The following DSE variants were observed in gnomAD, a reference collection of about 807,000 sequenced individuals.
DSE encodes dermatan-sulfate epimerase.
In DSE, 36 loss-of-function variants were observed where a neutral mutation model predicts 84.4. The observed-to-expected ratio is 0.43, with a 90% CI of 0.33 to 0.56. The LOEUF is 0.56. Among genes scored for constraint, DSE ranks in the 20% least tolerant of loss-of-function variants. The probability of loss-of-function intolerance (pLI) is 0.06; values close to 1 mark genes in which losing one functional copy is unlikely to be tolerated. For missense variants in DSE, 862 were observed against 1,169.6 expected (o/e 0.74, Z 3.84); for synonymous variants, 410 against 430.1 (o/e 0.95, Z 0.58).
At chr6:116,258,934 A>G (rs768752363) in exon 2 of DSE, 2 of 1,558,542 alleles carry the variant, frequency 1.3e-6, no homozygotes, top group Non-Finnish European at 1.8e-6. Flanking sequence ...AGCTTTGTGG[A>G]AGCATTTGGC....
intron 2 of DSE, among the ~76,000 whole-genome samples, chr6:116,348,430 A>G (rs1394025614): frequency 1.4e-5 from 2 of 142,118 alleles, no homozygotes; most frequent in African/African-American, 2.8e-5. Flanking sequence ...CCGTCTCAAA[A>G]AAAACAAAAA....
At chr6:116,364,699 T>C (rs1779068204) in intron 2 of DSE, among the ~76,000 whole-genome samples, 3 of 152,236 alleles carry the variant, frequency 2.0e-5, no homozygotes, top group Non-Finnish European at 4.4e-5. Context: ...AGAAATACAT[T>C]AGTGAGCTTG....
At chr6:116,302,252 A>G (rs1035043447) in intron 2 of DSE, among the ~76,000 whole-genome samples, 3 of 152,224 alleles carry the variant, frequency 2.0e-5, no homozygotes, top group African/African-American at 7.2e-5. Flanking sequence ...ACTTCCACCA[A>G]CAGTATAAAA....
chr6:116,323,964 C>T (rs1776476603), intron 2 of DSE, among the ~76,000 whole-genome samples: 1 of 151,784 alleles, frequency 6.6e-6, no homozygotes, highest in East Asian at 1.9e-4. Flanking sequence ...TTTTTCTGGG[C>T]CCCCTAGTCA....
intron 2 of DSE, among the ~76,000 whole-genome samples, chr6:116,300,620 T>C (rs1324733173): frequency 6.6e-5 from 10 of 152,250 alleles, no homozygotes; most frequent in African/African-American, 2.4e-4. Context: ...GGCAATCAAG[T>C]CTAATGGGGA....
intron 1 of DSE, among the ~76,000 whole-genome samples, chr6:116,392,966 T>A (rs577683566): frequency 3.9e-5 from 6 of 152,284 alleles, no homozygotes; most frequent in African/African-American, 1.4e-4. Context: ...CCAGACCCTG[T>A]ACTGAGGTTA....
chr6:116,334,233 G>C (rs952028986), intron 2 of DSE, among the ~76,000 whole-genome samples: 11 of 152,148 alleles, frequency 7.2e-5, no homozygotes, highest in African/African-American at 2.4e-4. Context: ...CTTTGACTCA[G>C]AGTAGGCAAG....
chr6:116,350,231 A>G (rs1583068113), intron 2 of DSE, among the ~76,000 whole-genome samples: 2 of 152,306 alleles, frequency 1.3e-5, no homozygotes, highest in Admixed American at 1.3e-4. Flanking sequence ...CGTATGCCTT[A>G]ATAAAAACTG....
In DSE at chr6:116,352,282, A is replaced by C. The variant is rs533107563; in HGVS notation, c.-53-46916A>C. On this transcript the variant is annotated intron_variant, in intron 2 of 3. Transcript: ENST00000430252. ...TACTCATGGCCTCCTTGGTACAACC[A>C]GTCCTTTCAGACCTTAACTTATCCT... is the stretch of plus-strand genomic sequence containing the variant. Among the ~76,000 whole-genome samples, 56 of 152,360 alleles carry C rather than the reference A, an allele frequency of 3.7e-4. No homozygotes were observed. In the South Asian group the frequency reaches 4.1e-3, roughly 11 times the overall value.
At chr6:116,347,548 T>A (rs971426042) in intron 2 of DSE, among the ~76,000 whole-genome samples, 4 of 152,204 alleles carry the variant, frequency 2.6e-5, no homozygotes, top group Non-Finnish European at 5.9e-5. Flanking sequence ...GGAGAAAAGA[T>A]TCCCTGTTTA....
At chr6:116,279,531 C>T (rs1229453666) in intron 2 of DSE, 2 of 1,606,562 alleles carry the variant, frequency 1.2e-6, no homozygotes, top group South Asian at 1.1e-5. Context: ...GAGGCTGGCC[C>T]TCTTCCTGCC....
At chr6:116,276,770 A>G (rs1364254070) in intron 2 of DSE, 1 of 152,270 alleles carries the variant, frequency 6.6e-6, no homozygotes, top group Non-Finnish European at 1.5e-5. Context: ...CATAAAAAGG[A>G]AGACAAATAT....
chr6:116,284,073 G>T (rs903951494), intron 2 of DSE, among the ~76,000 whole-genome samples: 1 of 152,118 alleles, frequency 6.6e-6, no homozygotes, highest in African/African-American at 2.4e-5. Flanking sequence ...AAAGATAGTT[G>T]AATCTTTTCT....
intron 2 of DSE, among the ~76,000 whole-genome samples, chr6:116,296,337 A>G (rs145899339): frequency 7.6e-4 from 116 of 152,214 alleles, no homozygotes; most frequent in African/African-American, 2.0e-3. Context: ...TTTTCAATTC[A>G]TGGTTGGTTA....
chr6:116,347,085 G>C (rs959955799), intron 2 of DSE, among the ~76,000 whole-genome samples: 1 of 152,132 alleles, frequency 6.6e-6, no homozygotes, highest in African/African-American at 2.4e-5. Flanking sequence ...ACTTCTTATG[G>C]AGAACTACAG....
In DSE at chr6:116,430,970, C is replaced by G. The variant is rs1234177395; in HGVS notation, c.687C>G (p.Ala229=). The G allele has an allele frequency of 3.1e-6, 5 of 1,613,624 alleles. No individual in the cohort carries two copies. The highest frequency in any genetic ancestry group is 4.2e-6 in the Non-Finnish European group (5 of 1,180,010). The change falls in exon 4 of 6, where the codon GCC becomes GCG. Residue 229 remains alanine (A), a synonymous_variant. Coordinates refer to ENST00000644252, the MANE Select transcript of DSE (RefSeq NM_013352.4). ...VLMNQGYLQE[A]YLWTKQVLTI... is the part of the protein sequence containing the mutation. ...ATCCTTCAGGATATCTTCAAGAAGC[C>G]TACTTATGGACCAAACAAGTTCTGA...
chr6:116,424,645 G>A (rs1050609795), intron 2 of DSE, among the ~76,000 whole-genome samples: 3 of 151,944 alleles, frequency 2.0e-5, no homozygotes, highest in South Asian at 4.1e-4. Context: ...CAATAGTGAA[G>A]AAAAAAGTCC....
chr6:116,259,052 T>C (rs1772287744), intron 2 of DSE: 3 of 1,552,632 alleles, frequency 1.9e-6, no homozygotes, highest in Non-Finnish European at 2.7e-6. Context: ...GTGCTCCACT[T>C]CCCAAAGAGC....
intron 2 of DSE, among the ~76,000 whole-genome samples, chr6:116,407,721 A>G (rs1167130641): frequency 1.3e-5 from 2 of 152,160 alleles, no homozygotes; most frequent in Non-Finnish European, 2.9e-5. Flanking sequence ...TGATTCTGTC[A>G]TTTTTGAATG....
Sources: allele counts gnomAD v4.1 joint callset (sites outside exome capture counted in the v4.1 genomes callset), GRCh38; gene constraint gnomAD v4.1.1; transcripts MANE v1.5; gene names NCBI Gene and HGNC (gene_info 2026-07-23, HGNC 2026-07-21).